The following MLXIP variants were observed in gnomAD, a reference collection of about 807,000 sequenced individuals.
MLXIP encodes MLX interacting protein, also known as MLX-interacting protein.
MLXIP carries 30 observed loss-of-function variants against 87.2 expected under a neutral mutation model. The ratio of observed to expected loss-of-function variants is 0.34; its 90% CI spans 0.26 to 0.47. MLXIP has a LOEUF of 0.47. Among genes scored for constraint, MLXIP ranks in the 20% least tolerant of loss-of-function variants. MLXIP has a pLI of 1.00. For missense variants in MLXIP, 1,002 were observed against 1,240.1 expected (o/e 0.81, Z 2.88); for synonymous variants, 530 against 514.0 (o/e 1.03, Z -0.42).
At chr12:122,120,972 G>A (rs28478029) in intron 1 of MLXIP, among the ~76,000 whole-genome samples, 31,033 of 145,876 alleles carry the variant, frequency 0.21, 3,457 homozygotes, top group East Asian at 0.3. Context: ...ACTGTTCTGA[G>A]ACCTATAACG....
At chr12:122,131,131 G>A (rs972007259) in intron 7 of MLXIP, among the ~76,000 whole-genome samples, 198 bp downstream of exon 7, 1 of 152,148 alleles carries the variant, frequency 6.6e-6, no homozygotes, top group Non-Finnish European at 1.5e-5. Context: ...GTTCAGCAAG[G>A]AAATTGGCTC....
intron 1 of MLXIP, among the ~76,000 whole-genome samples, chr12:122,125,628 C>T (rs1300916418): frequency 6.6e-6 from 1 of 152,202 alleles, no homozygotes; most frequent in Non-Finnish European, 1.5e-5. Context: ...CCGGTGAGGC[C>T]AGGCCATCAG....
chr12:122,109,002 A>G (rs1039819955), intron 1 of MLXIP, among the ~76,000 whole-genome samples: 1 of 152,212 alleles, frequency 6.6e-6, no homozygotes, highest in East Asian at 1.9e-4. Flanking sequence ...GCACAATCTC[A>G]GCTCACTGCA....
chr12:122,094,564 G>A (rs1220456306), intron 1 of MLXIP, among the ~76,000 whole-genome samples: 20 of 142,170 alleles, frequency 1.4e-4, no homozygotes, highest in African/African-American at 5.4e-4. Context: ...TGTTTGCAGT[G>A]TGTGTTGGTG....
chr12:122,102,443 C>A (rs1161524175), intron 1 of MLXIP, among the ~76,000 whole-genome samples: 1 of 152,140 alleles, frequency 6.6e-6, no homozygotes, highest in Admixed American at 6.6e-5. Context: ...GAGATCCATT[C>A]CCTCTGTGTG....
chr12:122,093,193 T>C (rs1952275364), intron 1 of MLXIP, among the ~76,000 whole-genome samples: 1 of 148,214 alleles, frequency 6.7e-6, no homozygotes, highest in Non-Finnish European at 1.5e-5. Context: ...GGGGTGGATG[T>C]CTGTGTGTGG....
intron 1 of MLXIP, among the ~76,000 whole-genome samples, chr12:122,114,678 A>G (rs1368064116): frequency 2.3e-4 from 35 of 151,898 alleles, no homozygotes; most frequent in Admixed American, 2.0e-3. Context: ...CCAGGGGCCT[A>G]GAATTCACCT....
intron 1 of MLXIP, among the ~76,000 whole-genome samples, chr12:122,085,782 T>C (rs902466659): frequency 1.3e-5 from 2 of 152,116 alleles, no homozygotes; most frequent in Non-Finnish European, 2.9e-5. Context: ...TGCTGGATGG[T>C]GTTCGTATCG....
rs930029008 is a variant in MLXIP at position 122,108,858 on chromosome 12, A to G, written c.414-18398A>G. 5.9e-5 allele frequency among the ~76,000 whole-genome samples: 9 copies of G among 152,156 alleles called. No individual in the cohort carries two copies. In the East Asian group the frequency reaches 1.2e-3, roughly 20 times the overall value. Reference sequence around the variant, plus strand: ...ACAAATTCTCATTCCATTTTAGTCTATTCTTCCAGGAGGCCTTCAAGCAGG... The same window carrying G: ...ACAAATTCTCATTCCATTTTAGTCTGTTCTTCCAGGAGGCCTTCAAGCAGG... On this transcript the variant is annotated intron_variant, in intron 1 of 16. Coordinates refer to ENST00000319080, the MANE Select transcript of MLXIP (RefSeq NM_014938.6).
chr12:122,114,758 T>TTTG (rs558128728), intron 1 of MLXIP, among the ~76,000 whole-genome samples: 5 of 135,228 alleles, frequency 3.7e-5, no homozygotes, highest in South Asian at 2.4e-4. Context: ...TTTTTTTTGG[T>TTTG]GGGGGGGGAC....
rs1483330671 is a variant in MLXIP at position 122,135,786 on chromosome 12, G to A, written c.2032+120G>A. 2.4e-6 allele frequency: 3 copies of A among 1,232,666 alleles called. No individual in the cohort carries two copies. Among genetic ancestry groups the A allele is most frequent in the African/African-American group, 3.1e-5 (2 of 65,156 alleles). 76.4% of individuals were successfully genotyped at this position (1,232,666 alleles called of 1,614,324 possible). On this transcript the variant is annotated intron_variant, in intron 11 of 16. Transcript: ENST00000319080. The surrounding 1 kb of genome is among the most constrained non-coding windows in gnomAD (Gnocchi z 5.3). ...GGAGCCTGGGCTTAGGACACACAGTGAGGTCTTGTAGGCCTGCTGATAACA... is the reference window on the plus strand; with the variant it reads ...GGAGCCTGGGCTTAGGACACACAGTAAGGTCTTGTAGGCCTGCTGATAACA...
rs1200988353 is a variant in MLXIP at position 122,142,158 on chromosome 12, C to T, written c.*346C>T. Reference sequence around the variant, plus strand: ...CGGGCCTGGCGCCGGTGAGCGGAATCGATGGGATGAGGGTGACAGGGCCTG... The same window carrying T: ...CGGGCCTGGCGCCGGTGAGCGGAATTGATGGGATGAGGGTGACAGGGCCTG... On this transcript the variant is annotated 3_prime_UTR_variant, in exon 17 of 17. Coordinates refer to ENST00000319080, the MANE Select transcript of MLXIP (RefSeq NM_014938.6). 3.9e-5 allele frequency: 27 copies of T among 701,298 alleles called. No homozygotes were observed. Among genetic ancestry groups the T allele is most frequent in the Admixed American group, 6.0e-5 (3 of 49,980 alleles). 43.4% of individuals were successfully genotyped at this position (701,298 alleles called of 1,614,324 possible). A position where few individuals can be genotyped will look rare whatever the true frequency, so the allele number is the denominator to read the frequency against.
chr12:122,134,730 G>A (rs1953053848), intron 9 of MLXIP: 1 of 152,296 alleles, frequency 6.6e-6, no homozygotes, highest in African/African-American at 2.6e-5. Flanking sequence ...GCTGGAGTGA[G>A]ATGACATGAT....
rs777393554 is a variant in MLXIP, at chr12:122,133,611, A to G, written c.1356A>G (p.Leu452=). 1.4e-4 allele frequency: 228 copies of G among 1,605,688 alleles called. No individual in the cohort carries two copies. The highest frequency in any genetic ancestry group is 1.8e-4 in the Non-Finnish European group (217 of 1,177,494). The change falls in exon 9 of 17, where the codon TTA becomes TTG. Residue 452 remains leucine (L), a synonymous_variant. Transcript: ENST00000319080. This position sits in a 1 kb window ranked among gnomAD's most constrained non-coding sequence, Gnocchi z 4.9. ...APPPISPVLP[L]VPPPATALNP... is the part of the protein sequence containing the mutation. The stretch of plus-strand genomic sequence containing the variant: ...CGCCCATCTCCCCCGTGTTACCATT[A>G]GTTCCTCCTCCTGCCACTGCCCTGA...
Position 122,135,458 on chromosome 12 carries a change from CAGGGGTG to C in MLXIP, c.1855-29_1855-23del. On this transcript the variant is annotated intron_variant, in intron 10 of 16. Coordinates refer to ENST00000319080, the MANE Select transcript of MLXIP (RefSeq NM_014938.6). This position sits in a 1 kb window ranked among gnomAD's most constrained non-coding sequence, Gnocchi z 5.3. ...TGCCGCCCTGCTGTATATCAGCAGT[CAGGGGTG>C]ACCTGTCTCCCATGTCACTGCAGGC... 1 of 1,608,718 alleles carries C rather than the reference CAGGGGTG, an allele frequency of 6.2e-7. No homozygotes were observed. The highest frequency in any genetic ancestry group is 1.3e-5 in the African/African-American group (1 of 74,986).
chr12:122,109,166 G>T (rs953338954), intron 1 of MLXIP, among the ~76,000 whole-genome samples: 2 of 151,710 alleles, frequency 1.3e-5, no homozygotes, highest in African/African-American at 4.8e-5. Context: ...CTCCTGACCT[G>T]AAGTGTTCTG....
rs918901909 is a variant in MLXIP at position 122,137,672 on chromosome 12, G to T, written c.2154+82G>T. ...CAAGGATCTGTGTCTTGTCTGGAAC[G>T]GAGACCTCAGACCCAGCCAGAGCTG... On this transcript the variant is annotated intron_variant, in intron 12 of 16. Coordinates refer to ENST00000319080, the MANE Select transcript of MLXIP (RefSeq NM_014938.6). This position sits in a 1 kb window ranked among gnomAD's most constrained non-coding sequence, Gnocchi z 4.1. The T allele has an allele frequency of 1.9e-6, 3 of 1,570,748 alleles. No homozygotes were observed. In the African/African-American group the frequency reaches 4.0e-5, roughly 21 times the overall value.
chr12:122,115,588 C>CAAAAAAA (rs35318582), intron 1 of MLXIP, among the ~76,000 whole-genome samples: 12 of 110,696 alleles, frequency 1.1e-4, no homozygotes, highest in African/African-American at 4.2e-4. Context: ...AACTCCTTCT[C>CAAAAAAA]AAAAAAAAAA....
intron 1 of MLXIP, among the ~76,000 whole-genome samples, chr12:122,084,131 T>C (rs1952130776): frequency 6.7e-6 from 1 of 148,390 alleles, no homozygotes; most frequent in Admixed American, 6.9e-5. Flanking sequence ...CCGGGAAGGA[T>C]ATCTCAGCCA....
Sources: gnomAD v4.1 joint callset for allele counts (sites outside exome capture counted in the v4.1 genomes callset) on GRCh38, gnomAD v4.1.1 for gene constraint, Gnocchi (gnomAD v3.1) non-coding constraint, MANE v1.5 for transcripts, NCBI Gene and HGNC (gene_info 2026-07-23, HGNC 2026-07-21) for gene names.